Variants in NOP14 observed in about 807,000 individuals in gnomAD.
NOP14 encodes the protein NOP14 nucleolar protein.
Under a neutral mutation model 101.6 loss-of-function variants are expected in NOP14, and 57 were observed. The observed-to-expected ratio is 0.56, with a 90% CI of 0.45 to 0.70. The LOEUF is 0.70. NOP14 is among the 30% of genes least tolerant of loss of function. The pLI is 0.00. For synonymous variants in NOP14, 428 were observed against 424.0 expected, an observed-to-expected ratio of 1.01 and a Z score of -0.12; for missense variants, 1,134 against 1,075.5, an observed-to-expected ratio of 1.05 and a Z score of -0.76.
chr4:2,938,957 A>AT, intron 17 of NOP14, 27 bp from the exon 18 acceptor site: 2 of 1,598,840 alleles, frequency 1.3e-6, no homozygotes, highest in South Asian at 2.2e-5. Context: ...GCAAATGCCC[A>AT]TTTTTGGATT....
rs963907385 is a variant in NOP14 at position 2,943,922 on chromosome 4, G to A, written c.1891+151C>T. 4 of 651,320 alleles carry A rather than the reference G, an allele frequency of 6.1e-6. No individual in the cohort carries two copies. The Admixed American group carries it at 9.2e-5, about 15-fold the overall frequency. The allele number at this position is 651,320 out of a possible 1,614,324, so 40.3% of individuals were successfully genotyped here. ...TTTTCCCCATGTGGCGCGTGCACACGCTCACACAGAGGGACAGACAGTGCG... is the reference window on the plus strand; with the variant it reads ...TTTTCCCCATGTGGCGCGTGCACACACTCACACAGAGGGACAGACAGTGCG... On this transcript the variant is annotated intron_variant, in intron 13 of 17. Coordinates refer to ENST00000416614, the MANE Select transcript of NOP14 (RefSeq NM_001291978.2).
At chr4:2,942,502 C>T (rs181217335) in intron 13 of NOP14, 151 bp from the exon 14 acceptor site, 10,659 of 830,112 alleles carry the variant, frequency 0.013, 106 homozygotes, top group Admixed American at 0.034. Flanking sequence ...AGGGTTTCAG[C>T]GTGGGCAGGG....
In NOP14 at chr4:2,948,374, C is replaced by A. The variant is rs1227789819; in HGVS notation, c.1317G>T (p.Leu439Phe). 1.9e-6 allele frequency: 3 copies of A among 1,612,800 alleles called. No homozygotes were observed. The highest frequency in any genetic ancestry group is 1.6e-4 in the Middle Eastern group (1 of 6,076). ...GCTGCTCTTCCATCGATCTTCCTAA[C>A]AACAGAGATCTCAGTTCCTCATAGG... ...PESYEELRSL[L>F]LGRSMEEQLL... is the part of the protein sequence containing the mutation. Residue 439 changes from leucine (L) to phenylalanine (F), a missense_variant, in exon 9 of 18, where the codon TTG becomes TTT. By Grantham distance (22) the Leu-to-Phe change is conservative. Transcript: ENST00000416614.
chr4:2,948,218 C>A, intron 9 of NOP14, 60 bp downstream of exon 9: 2 of 1,516,934 alleles, frequency 1.3e-6, no homozygotes, highest in Non-Finnish European at 1.8e-6. Flanking sequence ...ACAATTCTGG[C>A]ATTCATATAC....
In NOP14 at chr4:2,952,273, A is replaced by G. The variant is rs770328688; in HGVS notation, c.870+2T>C. On this transcript the variant is annotated splice_donor_variant, in intron 6 of 17. Coordinates refer to ENST00000416614, the MANE Select transcript of NOP14 (RefSeq NM_001291978.2). LOFTEE classifies it high-confidence loss of function. Reference sequence around the variant, plus strand: ...CCTGCTCCTGAGGTGCTGCCACCCTACCTCCAGCTTCCTGAGGTGCTCCTG... The same window carrying G: ...CCTGCTCCTGAGGTGCTGCCACCCTGCCTCCAGCTTCCTGAGGTGCTCCTG... The G allele has an allele frequency of 2.5e-6, 4 of 1,612,976 alleles. No individual in the cohort carries two copies. The highest frequency in any genetic ancestry group is 2.2e-5 in the East Asian group (1 of 44,872).
intron 7 of NOP14, 87 bp downstream of exon 7, chr4:2,951,027 T>C (rs907514915): frequency 1.0e-5 from 13 of 1,239,064 alleles, no homozygotes; most frequent in Non-Finnish European, 1.5e-5. Context: ...AATTCCCAAC[T>C]GTAATAAATC....
rs547336227 is a variant in NOP14, at chr4:2,939,798, CG to C, written c.2200-154del. On this transcript the variant is annotated intron_variant, in intron 15 of 17. Transcript: ENST00000416614. ...CCCTTGCTGTGCGCCTACCGGTGGG[CG>C]GGGGGGTAAGCCAAGGCTGTGGCTG... Among the ~76,000 whole-genome samples, 59 of 152,262 alleles carry C rather than the reference CG, an allele frequency of 3.9e-4. No homozygotes were observed. In the South Asian group the frequency reaches 0.012, roughly 31 times the overall value.
chr4:2,953,427 C>A, intron 5 of NOP14, 84 bp downstream of exon 5: 1 of 1,465,178 alleles, frequency 6.8e-7, no homozygotes, highest in South Asian at 1.3e-5. Context: ...GTAGAAGAGC[C>A]GTCCAGCCCC....
At chr4:2,963,016 G>A in intron 1 of NOP14, 109 bp downstream of exon 1, 1 of 1,151,288 alleles carries the variant, frequency 8.7e-7, no homozygotes, top group South Asian at 1.6e-5. Flanking sequence ...GCCTGTCACG[G>A]CCTGTGCCGC....
Position 2,941,631 on chromosome 4 carries a change from G to A in NOP14, c.2150C>T (p.Ala717Val), listed in dbSNP as rs201670285. Residue 717 changes from alanine (A) to valine (V), a missense_variant, in exon 15 of 18, where the codon GCC (alanine) becomes GTC (valine). Ala to Val is a moderately conservative substitution (Grantham distance 64). Coordinates refer to ENST00000416614, the MANE Select transcript of NOP14 (RefSeq NM_001291978.2). ...SFHAIMGPLQALLTDHLADCS... is the reference protein window; with the variant it reads ...SFHAIMGPLQVLLTDHLADCS... ...GTCCGCCAGGTGATCCGTGAGGAGG[G>A]CTTGGAGAGGCCCCATGATGGCGTG... The A allele has an allele frequency of 6.2e-7, 1 of 1,613,376 alleles. No homozygotes were observed. The highest frequency in any genetic ancestry group is 8.5e-7 in the Non-Finnish European group (1 of 1,179,932).
In NOP14 at chr4:2,942,226, T is replaced by A; in HGVS notation, c.2017A>T (p.Arg673Trp). 18 of 1,614,170 alleles carry A rather than the reference T, an allele frequency of 1.1e-5. No individual in the cohort carries two copies. The highest frequency in any genetic ancestry group is 1.5e-5 in the Non-Finnish European group (18 of 1,180,020). The change falls in exon 14 of 18, where the codon AGG becomes TGG. Residue 673 changes from arginine to tryptophan, a missense_variant. Arg to Trp is a moderately radical substitution (Grantham distance 101). Coordinates refer to ENST00000416614, the MANE Select transcript of NOP14 (RefSeq NM_001291978.2). ...SLSLRWASRL[R>W]APTSTEANHI... ...TTGGCCTCTGTCGAAGTTGGGGCCC[T>A]CAGTCTACTCGCCCAGCGGAGGGAG...
chr4:2,961,386 A>G (rs904799353), intron 1 of NOP14: 1 of 97,400 alleles, frequency 1.0e-5, no homozygotes, highest in Non-Finnish European at 2.4e-5. Flanking sequence ...CTATAAAGCA[A>G]TGTCCTGAGA....
chr4:2,943,803 C>T (rs1052109899), intron 13 of NOP14, among the ~76,000 whole-genome samples: 5 of 152,226 alleles, frequency 3.3e-5, no homozygotes, highest in Non-Finnish European at 7.3e-5. Context: ...TAAGTCTTCG[C>T]CACTTGGGCA....
chr4:2,962,292 G>C (rs756591664), intron 1 of NOP14, among the ~76,000 whole-genome samples: 1 of 152,154 alleles, frequency 6.6e-6, no homozygotes, highest in Non-Finnish European at 1.5e-5. Flanking sequence ...CCCGGCCCGG[G>C]GGTGTGTAAT....
At position 2,939,341 on chromosome 4, in the gene NOP14, A is replaced by G; in HGVS notation, c.2321T>C (p.Leu774Pro). 1 of 1,613,974 alleles carries G rather than the reference A, an allele frequency of 6.2e-7. No individual in the cohort carries two copies. The highest frequency in any genetic ancestry group is 1.1e-5 in the South Asian group (1 of 91,078). Residue 774 changes from leucine to proline, a missense_variant and splice_region_variant, in exon 17 of 18, where the codon CTC becomes CCC. Transcript: ENST00000416614. ...KLFTPRLVKV[L>P]EFGRKQGSSK... Reference sequence around the variant, plus strand: ...ACTGCCTTGTTTTCTTCCAAACTCGAGGCTACAACCAGAAAGCCACTGTTA... The same window carrying G: ...ACTGCCTTGTTTTCTTCCAAACTCGGGGCTACAACCAGAAAGCCACTGTTA...
At position 2,942,011 on chromosome 4, in the gene NOP14, G is replaced by T. The variant is rs1714236501; in HGVS notation, c.2051+181C>A. ...TTGTGAAATCAAGCAAATGTATTTT[G>T]AAAATGAAAAGAAAAAGGGACAGCA... On this transcript the variant is annotated intron_variant, in intron 14 of 17. Transcript: ENST00000416614. The T allele has an allele frequency of 2.4e-5, 16 of 656,542 alleles. No homozygotes were observed. In the South Asian group the frequency reaches 3.4e-4, roughly 14 times the overall value. 40.7% of individuals were successfully genotyped at this position (656,542 alleles called of 1,614,324 possible).
intron 6 of NOP14, 108 bp downstream of exon 6, chr4:2,952,167 T>C: frequency 2.7e-6 from 3 of 1,128,738 alleles, no homozygotes; most frequent in Non-Finnish European, 3.7e-6. Flanking sequence ...ACTAAAATAT[T>C]CCACTGATCA....
At chr4:2,944,980 A>C in intron 12 of NOP14, 148 bp downstream of exon 12, 1 of 582,372 alleles carries the variant, frequency 1.7e-6, no homozygotes, top group Non-Finnish European at 3.0e-6. Context: ...GGGCTCTTTT[A>C]GATGGGCCCT....
chr4:2,959,652 G>C (rs533791162), intron 1 of NOP14, among the ~76,000 whole-genome samples: 1 of 152,152 alleles, frequency 6.6e-6, no homozygotes, highest in East Asian at 1.9e-4. Context: ...TCCTGAACCA[G>C]AGTCTAAAGA....
Sources: gnomAD v4.1 joint callset for allele counts (sites outside exome capture counted in the v4.1 genomes callset) on GRCh38, gnomAD v4.1.1 for gene constraint, MANE v1.5 for transcripts, NCBI Gene and HGNC (gene_info 2026-07-23, HGNC 2026-07-21) for gene names.